Variants in RASSF3 observed in about 807,000 individuals in gnomAD.
The protein encoded by RASSF3 is ras association domain-containing protein 3.
Under a neutral mutation model 19.9 loss-of-function variants are expected in RASSF3, and 19 were observed. The ratio of observed to expected loss-of-function variants is 0.96; its 90% CI spans 0.67 to 1.40. RASSF3 has a LOEUF of 1.40. Ranked by LOEUF, RASSF3 falls within the 40% of genes most tolerant of loss-of-function variation. The pLI is 0.00. For synonymous variants in RASSF3, 110 were observed against 104.2 expected (o/e 1.06, Z -0.34); for missense variants, 306 against 289.8 (o/e 1.06, Z -0.41).
chr12:64,534,807 A>T (rs553831132), intron 1 of RASSF3, among the ~76,000 whole-genome samples: 1 of 152,340 alleles, frequency 6.6e-6, no homozygotes, highest in South Asian at 2.1e-4. Flanking sequence ...GCCTGTCTTC[A>T]TGCTAAGCTA....
chr12:64,676,166 ATTTTTTTTT>A (rs35376691), intron 1 of RASSF3, among the ~76,000 whole-genome samples: 2,256 of 106,458 alleles, frequency 0.021, 66 homozygotes, highest in African/African-American at 0.075. Context: ...CAGGAGTAGA[ATTTTTTTTT>A]TTTTTTTTTT....
intron 2 of RASSF3, among the ~76,000 whole-genome samples, chr12:64,595,598 G>C (rs1869988102): frequency 6.6e-6 from 1 of 151,872 alleles, no homozygotes; most frequent in Non-Finnish European, 1.5e-5. Context: ...TTTGTTTTTT[G>C]TCAATCTAAT....
At chr12:64,570,088 C>T (rs1344083380) in intron 2 of RASSF3, among the ~76,000 whole-genome samples, 1 of 152,220 alleles carries the variant, frequency 6.6e-6, no homozygotes, top group Non-Finnish European at 1.5e-5. Flanking sequence ...AACTGTGGCT[C>T]ACTCTACCTT....
Position 64,520,323 on chromosome 12 carries a change from C to G in RASSF3, c.169+12994C>G, listed in dbSNP as rs12819485. Among the ~76,000 whole-genome samples, 525 of 151,732 alleles carry G rather than the reference C, an allele frequency of 3.5e-3. 1 individual carries two copies. Among genetic ancestry groups the G allele is most frequent in the Non-Finnish European group, 6.3e-3 (427 of 67,896 alleles). On this transcript the variant is annotated intron_variant, in intron 1 of 5. Coordinates refer to the RASSF3 transcript ENST00000637125. Reference sequence around the variant, plus strand: ...GACTACAGGCACATGCCGCCATGCCCGGCTAATTTTTGTATTTTTAGTAGA... The same window carrying G: ...GACTACAGGCACATGCCGCCATGCCGGGCTAATTTTTGTATTTTTAGTAGA...
intron 1 of RASSF3, among the ~76,000 whole-genome samples, chr12:64,668,742 C>T (rs529280417): frequency 3.6e-4 from 51 of 142,714 alleles, no homozygotes; most frequent in Admixed American, 8.2e-4. Context: ...AGTGCAGTGG[C>T]GCGATCTCGG....
chr12:64,659,604 A>G (rs1165626732), intron 1 of RASSF3, among the ~76,000 whole-genome samples: 1 of 152,176 alleles, frequency 6.6e-6, no homozygotes, highest in African/African-American at 2.4e-5. Context: ...ACAGTCTATT[A>G]ATAGAATATA....
chr12:64,633,827 T>G (rs1056284115), intron 1 of RASSF3, among the ~76,000 whole-genome samples: 4 of 152,014 alleles, frequency 2.6e-5, no homozygotes, highest in Admixed American at 6.6e-5. Context: ...ACTGATTAAA[T>G]TTGACCAAAA....
chr12:64,597,347 G>A (rs1870013498), intron 2 of RASSF3, among the ~76,000 whole-genome samples: 1 of 151,894 alleles, frequency 6.6e-6, no homozygotes, highest in South Asian at 2.1e-4. Flanking sequence ...TGGCCAGGCT[G>A]GTCTCAATTT....
At chr12:64,507,749 A>G (rs559991269) in intron 1 of RASSF3, among the ~76,000 whole-genome samples, 5 of 152,214 alleles carry the variant, frequency 3.3e-5, no homozygotes, top group Non-Finnish European at 5.9e-5. Context: ...ATAGAAAACT[A>G]AAAAGGTCAG....
At chr12:64,578,243 C>T (rs1869629554) in intron 2 of RASSF3, among the ~76,000 whole-genome samples, 2 of 152,004 alleles carry the variant, frequency 1.3e-5, no homozygotes, top group African/African-American at 4.8e-5. Context: ...AAAACAAAAA[C>T]CTAAAATTTA....
In RASSF3 at chr12:64,610,719, G is replaced by A. The variant is rs755162424; in HGVS notation, c.87G>A (p.Gln29=). ...ARTSFFRRAP[Q]GKPRSGQQDV... The stretch of plus-strand genomic sequence containing the variant: ...CCTCCTTCTTCAGGAGAGCGCCCCA[G>A]GGCAAGCCCCGCTCCGGCCAACAAG... Residue 29 remains glutamine, a synonymous_variant, in exon 1 of 5, where the codon CAG becomes CAA. Coordinates refer to ENST00000542104, the MANE Select transcript of RASSF3 (RefSeq NM_178169.4). 4 of 1,591,552 alleles carry A rather than the reference G, an allele frequency of 2.5e-6. No homozygotes were observed. Among genetic ancestry groups the A allele is most frequent in the Non-Finnish European group, 8.5e-7 (1 of 1,170,792 alleles).
intron 2 of RASSF3, among the ~76,000 whole-genome samples, chr12:64,579,755 A>G (rs1192013518): frequency 1.3e-5 from 2 of 150,506 alleles, no homozygotes; most frequent in Non-Finnish European, 1.5e-5. Flanking sequence ...ATAAGAGATT[A>G]TAGGGTGAAG....
chr12:64,668,999 T>C (rs989201160), intron 1 of RASSF3, among the ~76,000 whole-genome samples: 7 of 152,144 alleles, frequency 4.6e-5, no homozygotes, highest in African/African-American at 1.7e-4. Flanking sequence ...GAAAAAAAAT[T>C]GTTCCTAAGG....
intron 1 of RASSF3, among the ~76,000 whole-genome samples, chr12:64,636,681 C>T (rs1338139037): frequency 6.6e-6 from 1 of 151,752 alleles, no homozygotes; most frequent in African/African-American, 2.4e-5. Flanking sequence ...TCCTGGCCAA[C>T]ATGGCGAAAC....
intron 2 of RASSF3, among the ~76,000 whole-genome samples, chr12:64,594,364 T>C (rs1869967696): frequency 6.6e-6 from 1 of 152,138 alleles, no homozygotes; most frequent in African/African-American, 2.4e-5. Context: ...GTGGGGCATG[T>C]AGTAGCCTAG....
intron 2 of RASSF3, among the ~76,000 whole-genome samples, chr12:64,587,084 G>A (rs141208078): frequency 0.031 from 3,487 of 111,418 alleles, 191 homozygotes; most frequent in African/African-American, 0.12. Flanking sequence ...ACGGAGTTTC[G>A]CTCTTGTTGC....
chr12:64,629,582 T>C (rs531328184), intron 1 of RASSF3, among the ~76,000 whole-genome samples: 2 of 152,300 alleles, frequency 1.3e-5, no homozygotes, highest in Non-Finnish European at 2.9e-5. Context: ...TGTGATAATA[T>C]GAAGAAATAG....
chr12:64,582,407 T>C (rs1869718745), intron 2 of RASSF3, among the ~76,000 whole-genome samples: 1 of 152,208 alleles, frequency 6.6e-6, no homozygotes, highest in Non-Finnish European at 1.5e-5. Context: ...CATTTTTCTT[T>C]AGGTAATTTC....
chr12:64,631,701 C>G (rs1009088692), intron 1 of RASSF3, among the ~76,000 whole-genome samples: 1 of 152,112 alleles, frequency 6.6e-6, no homozygotes, highest in African/African-American at 2.4e-5. Context: ...TCCCAAGTAG[C>G]TGGGATTACA....
Sources: allele counts gnomAD v4.1 joint callset (sites outside exome capture counted in the v4.1 genomes callset), GRCh38; gene constraint gnomAD v4.1.1; transcripts MANE v1.5; gene names NCBI Gene and HGNC (gene_info 2026-07-23, HGNC 2026-07-21).